Variants in NHSL3 observed in about 807,000 individuals in gnomAD.
NHSL3 encodes NHS like 3.
the NHSL3 span, chr1:32,770,916 G>C: frequency 6.2e-7 from 1 of 1,610,838 alleles, no homozygotes; most frequent in Non-Finnish European, 8.5e-7. The surrounding 1 kb of genome is among the most constrained non-coding windows in gnomAD (Gnocchi z 8.3). Context: ...GGACACTTTC[G>C]CCCTCCAGTG....
chr1:32,752,940 CACACACACACATATATATATAT>C, the NHSL3 span, among the ~76,000 whole-genome samples: 1,815 of 14,392 alleles, frequency 0.13, 93 homozygotes, highest in East Asian at 0.28. Context: ...CACACACACA[CACACACACACATATATATATAT>C]ATATATTTTG....
the NHSL3 span, among the ~76,000 whole-genome samples, chr1:32,763,396 G>A: frequency 6.6e-6 from 1 of 152,020 alleles, no homozygotes; most frequent in South Asian, 2.1e-4. Flanking sequence ...TCTTTCCATT[G>A]CTCAATCCTC....
chr1:32,755,482 T>A, the NHSL3 span, among the ~76,000 whole-genome samples: 2 of 152,102 alleles, frequency 1.3e-5, no homozygotes, highest in Non-Finnish European at 2.9e-5. Context: ...CTCCTCTCAA[T>A]GAGGCTGTGG....
chr1:32,765,642 CCGGTGCTCTGCGG>C, the NHSL3 span: 4 of 1,530,814 alleles, frequency 2.6e-6, no homozygotes, highest in African/African-American at 5.5e-5. Flanking sequence ...CTGTCTGGAG[CCGGTGCTCTGCGG>C]CGGGGCGGGA....
At chr1:32,765,247 A>C in the NHSL3 span, among the ~76,000 whole-genome samples, 1 of 152,138 alleles carries the variant, frequency 6.6e-6, no homozygotes. Context: ...CTCTGCCCAC[A>C]GCCTTGCCAT....
the NHSL3 span, among the ~76,000 whole-genome samples, chr1:32,751,848 G>A: frequency 6.6e-6 from 1 of 152,108 alleles, no homozygotes; most frequent in Non-Finnish European, 1.5e-5. Flanking sequence ...TCGGAGATGA[G>A]GCTGAACTGG....
chr1:32,748,107 C>T, the NHSL3 span, among the ~76,000 whole-genome samples: 30 of 151,972 alleles, frequency 2.0e-4, no homozygotes, highest in Non-Finnish European at 3.5e-4. Flanking sequence ...CAAAAAGCTC[C>T]GTCTCAAAAC....
the NHSL3 span, chr1:32,770,770 C>A: frequency 6.3e-7 from 1 of 1,578,968 alleles, no homozygotes; most frequent in Non-Finnish European, 8.6e-7. This position sits in a 1 kb window ranked among gnomAD's most constrained non-coding sequence, Gnocchi z 8.3. Flanking sequence ...TAAGCAGCAG[C>A]CCCAGCTGCC....
chr1:32,762,233 T>C, the NHSL3 span, among the ~76,000 whole-genome samples: 1 of 152,118 alleles, frequency 6.6e-6, no homozygotes, highest in Non-Finnish European at 1.5e-5. Context: ...TGGCAGCAAC[T>C]GGGGAAGGAA....
the NHSL3 span, among the ~76,000 whole-genome samples, chr1:32,765,426 C>T: frequency 6.6e-6 from 1 of 152,236 alleles, no homozygotes; most frequent in South Asian, 2.1e-4. Context: ...TAACTCTGGA[C>T]TTGCAGGCAG....
chr1:32,752,901 GCACACACACACACACACACACACACACA>G, the NHSL3 span, among the ~76,000 whole-genome samples: 3 of 71,622 alleles, frequency 4.2e-5, no homozygotes, highest in African/African-American at 1.7e-4. Context: ...AAAAAAACAT[GCACACACACACACACACACACACACACA>G]CACACACACA....
At chr1:32,753,815 C>T in the NHSL3 span, among the ~76,000 whole-genome samples, 1 of 152,184 alleles carries the variant, frequency 6.6e-6, no homozygotes, top group Non-Finnish European at 1.5e-5. Flanking sequence ...ACTGGCCAGG[C>T]CTTCCCCTGT....
the NHSL3 span, among the ~76,000 whole-genome samples, chr1:32,753,615 A>T: frequency 3.3e-5 from 5 of 152,258 alleles, no homozygotes; most frequent in Non-Finnish European, 7.3e-5. Context: ...TACTATTTTG[A>T]ACACTGTAAC....
At chr1:32,771,978 G>A in the NHSL3 span, 142 of 1,606,318 alleles carry the variant, frequency 8.8e-5, no homozygotes, top group South Asian at 1.1e-3. Flanking sequence ...TCCATGCTGC[G>A]GTCCGACTCA....
At chr1:32,771,719 C>G in the NHSL3 span, 2 of 1,613,276 alleles carry the variant, frequency 1.2e-6, no homozygotes, top group Non-Finnish European at 1.7e-6. Flanking sequence ...CCTGCTAGTT[C>G]CGCCCCAGGG....
chr1:32,752,954 TA>T, the NHSL3 span, among the ~76,000 whole-genome samples: 2 of 3,290 alleles, frequency 6.1e-4, no homozygotes, highest in East Asian at 0.031. Context: ...CACACACATA[TA>T]TATATATATA....
At chr1:32,749,607 T>G in the NHSL3 span, among the ~76,000 whole-genome samples, 3 of 152,162 alleles carry the variant, frequency 2.0e-5, no homozygotes, top group Non-Finnish European at 4.4e-5. Flanking sequence ...GCCTTCAGCT[T>G]CTTCACTCCT....
At chr1:32,745,429 G>C in the NHSL3 span, among the ~76,000 whole-genome samples, 21 of 151,854 alleles carry the variant, frequency 1.4e-4, 1 homozygote, top group East Asian at 4.1e-3. Context: ...GTGGTGGCGC[G>C]TGCCTGTAAT....
chr1:32,745,113 G>A, the NHSL3 span, among the ~76,000 whole-genome samples: 4 of 146,892 alleles, frequency 2.7e-5, no homozygotes, highest in South Asian at 2.2e-4. Context: ...GCAACAGAGC[G>A]AGACTCAGAA....
Sources: gnomAD v4.1 joint callset for allele counts (sites outside exome capture counted in the v4.1 genomes callset) on GRCh38, gnomAD v4.1.1 for gene constraint, Gnocchi (gnomAD v3.1) non-coding constraint, MANE v1.5 for transcripts, NCBI Gene and HGNC (gene_info 2026-07-23, HGNC 2026-07-21) for gene names.